Variants in INTS9 observed in about 807,000 individuals in gnomAD.
The protein encoded by INTS9 is integrator complex subunit 9.
A neutral mutation model predicts 79.7 loss-of-function variants in INTS9; 55 were observed. The observed-to-expected ratio is 0.69, with a 90% CI of 0.56 to 0.86. INTS9 has a LOEUF of 0.86. INTS9 is among the 40% of genes least tolerant of loss of function. The probability of loss-of-function intolerance (pLI) is 0.00; values close to 1 mark genes in which losing one functional copy is unlikely to be tolerated. For synonymous variants in INTS9, 319 were observed against 325.2 expected (o/e 0.98, Z 0.20); for missense variants, 721 against 831.5 (o/e 0.87, Z 1.64).
chr8:28,783,076 C>T (rs1257707686), intron 11 of INTS9, among the ~76,000 whole-genome samples: 4 of 139,186 alleles, frequency 2.9e-5, no homozygotes, highest in South Asian at 2.4e-4. Flanking sequence ...ACCCAGGAGG[C>T]GGAGCTTGCA....
intron 14 of INTS9, among the ~76,000 whole-genome samples, chr8:28,772,904 AAG>A (rs1276163027): frequency 6.6e-6 from 1 of 152,222 alleles, no homozygotes; most frequent in Non-Finnish European, 1.5e-5. Flanking sequence ...ATAACTAAAA[AAG>A]GACAACATTC....
chr8:28,804,251 G>A (rs960024076), intron 8 of INTS9, among the ~76,000 whole-genome samples: 17 of 152,286 alleles, frequency 1.1e-4, no homozygotes, highest in Middle Eastern at 6.8e-3. Context: ...AAACTGAGAG[G>A]ACAGAGACGC....
intron 12 of INTS9, chr8:28,780,525 G>C (rs1223631656): frequency 7.1e-6 from 7 of 985,264 alleles, no homozygotes; most frequent in Non-Finnish European, 8.4e-6. Context: ...CACCGTTACT[G>C]AATCACTGCA....
At chr8:28,882,543 A>T (rs1216906475) in intron 1 of INTS9, among the ~76,000 whole-genome samples, 4 of 144,372 alleles carry the variant, frequency 2.8e-5, no homozygotes, top group African/African-American at 1.0e-4. Flanking sequence ...AAAAAAAAAA[A>T]AAAAGAAAAA....
intron 6 of INTS9, among the ~76,000 whole-genome samples, chr8:28,822,205 T>C (rs1185310608): frequency 6.6e-6 from 1 of 151,790 alleles, no homozygotes; most frequent in African/African-American, 2.4e-5. Flanking sequence ...AAAACAGAGA[T>C]GGAAAAGAGA....
At chr8:28,856,175 G>A (rs951349012) in intron 2 of INTS9, among the ~76,000 whole-genome samples, 2 of 152,194 alleles carry the variant, frequency 1.3e-5, no homozygotes, top group African/African-American at 2.4e-5. Flanking sequence ...GCACTGAAGA[G>A]AAGTGACTGG....
intron 4 of INTS9, among the ~76,000 whole-genome samples, chr8:28,843,066 G>A (rs1426032432): frequency 6.6e-6 from 1 of 152,232 alleles, no homozygotes; most frequent in Non-Finnish European, 1.5e-5. Flanking sequence ...AGAACTTTAA[G>A]ATGCAGTCCC....
chr8:28,834,723 C>T (rs867411017), intron 6 of INTS9, among the ~76,000 whole-genome samples: 2 of 149,818 alleles, frequency 1.3e-5, no homozygotes, highest in African/African-American at 4.9e-5. Context: ...GTTGCCCAGG[C>T]TGGAGTGCAA....
At chr8:28,820,628 C>T (rs552012481) in intron 6 of INTS9, among the ~76,000 whole-genome samples, 133 of 152,192 alleles carry the variant, frequency 8.7e-4, no homozygotes, top group African/African-American at 3.0e-3. Flanking sequence ...TTGCTCTTCT[C>T]GAGGAGTAGC....
In INTS9 at chr8:28,786,284, A is replaced by AT. The variant is rs778149304; in HGVS notation, c.1098+1544dup. ...TCAGTACTATTACCAAAAATTTTAG[A>AT]TTTTTTTTTTTTTTTGAGACAGGGT... On this transcript the variant is annotated intron_variant, in intron 11 of 16. Transcript: ENST00000521022. Among the ~76,000 whole-genome samples, 1,049 of 143,322 alleles carry AT rather than the reference A, an allele frequency of 7.3e-3. 5 individuals carry two copies. Among genetic ancestry groups the AT allele is most frequent in the South Asian group, 0.015 (66 of 4,518 alleles). 94.0% of individuals were successfully genotyped at this position (143,322 alleles called of 152,430 possible). A position where few individuals can be genotyped will look rare whatever the true frequency, so the allele number is the denominator to read the frequency against.
intron 6 of INTS9, among the ~76,000 whole-genome samples, chr8:28,822,808 T>C (rs1013067877): frequency 6.6e-6 from 1 of 152,084 alleles, no homozygotes; most frequent in Non-Finnish European, 1.5e-5. Context: ...TATCAAATAG[T>C]TTGAGGGTTA....
At chr8:28,841,688 A>T (rs1180376725) in intron 4 of INTS9, among the ~76,000 whole-genome samples, 1 of 152,142 alleles carries the variant, frequency 6.6e-6, no homozygotes, top group African/African-American at 2.4e-5. Flanking sequence ...TAGCCTGTTG[A>T]CTAGAAGCCT....
intron 6 of INTS9, among the ~76,000 whole-genome samples, chr8:28,831,940 A>G (rs1264613705): frequency 6.6e-6 from 1 of 152,074 alleles, no homozygotes; most frequent in African/African-American, 2.4e-5. Context: ...CCTGACCTCA[A>G]GTGATCTGCC....
intron 1 of INTS9, among the ~76,000 whole-genome samples, chr8:28,885,465 T>A (rs1006996675): frequency 6.6e-6 from 1 of 152,154 alleles, no homozygotes; most frequent in African/African-American, 2.4e-5. Flanking sequence ...GGGTCAAATG[T>A]AATGGTTAAA....
At chr8:28,792,866 T>C (rs953375830) in intron 10 of INTS9, among the ~76,000 whole-genome samples, 3 of 151,378 alleles carry the variant, frequency 2.0e-5, no homozygotes, top group Non-Finnish European at 4.4e-5. Flanking sequence ...TGAGCGGAGA[T>C]TGTGCCACTG....
chr8:28,869,483 G>A (rs777255752), intron 1 of INTS9, among the ~76,000 whole-genome samples: 1 of 152,116 alleles, frequency 6.6e-6, no homozygotes, highest in South Asian at 2.1e-4. Flanking sequence ...GGCCTAACAG[G>A]GCATATAAGG....
rs199708092 is a variant in INTS9 at position 28,818,650 on chromosome 8, G to A, written c.489-5038C>T. On this transcript the variant is annotated intron_variant, in intron 6 of 16. Coordinates refer to ENST00000521022, the MANE Select transcript of INTS9 (RefSeq NM_018250.4). ...TGTCTCTGCCCGGCTTTGGTATCAGGATGATGCTGGCCTCATAAAATGAGT... is the reference window on the plus strand; with the variant it reads ...TGTCTCTGCCCGGCTTTGGTATCAGAATGATGCTGGCCTCATAAAATGAGT... 8.3e-4 allele frequency among the ~76,000 whole-genome samples: 124 copies of A among 150,118 alleles called. 1 individual carries two copies. The highest frequency in any genetic ancestry group is 4.0e-4 in the Admixed American group (6 of 15,112).
chr8:28,816,043 A>G (rs1805450976), intron 6 of INTS9, among the ~76,000 whole-genome samples: 1 of 152,132 alleles, frequency 6.6e-6, no homozygotes, highest in Non-Finnish European at 1.5e-5. Flanking sequence ...AGCAATGTTT[A>G]ATATTAGAAA....
chr8:28,879,370 C>G (rs530043232), intron 1 of INTS9, among the ~76,000 whole-genome samples: 2 of 152,260 alleles, frequency 1.3e-5, no homozygotes, highest in Admixed American at 1.3e-4. Flanking sequence ...ATCCAAGAAC[C>G]ATTTACGATA....
Sources: gnomAD v4.1 joint callset for allele counts (sites outside exome capture counted in the v4.1 genomes callset) on GRCh38, gnomAD v4.1.1 for gene constraint, MANE v1.5 for transcripts, NCBI Gene and HGNC (gene_info 2026-07-23, HGNC 2026-07-21) for gene names.